The following GSE1 variants were observed in gnomAD, a reference collection of about 807,000 sequenced individuals.
GSE1 encodes Gse1 coiled-coil protein.
In GSE1, 32 loss-of-function variants were observed where a neutral mutation model predicts 112.6. The ratio of observed to expected loss-of-function variants is 0.28; its 90% CI spans 0.21 to 0.38. The LOEUF is 0.38. GSE1 is among the 10% of genes least tolerant of loss of function. The probability of loss-of-function intolerance (pLI) is 1.00; values close to 1 mark genes in which losing one functional copy is unlikely to be tolerated. For missense variants in GSE1, 2,348 were observed against 1,699.2 expected (o/e 1.38, Z -6.71); for synonymous variants, 1,115 against 735.6 (o/e 1.52, Z -8.35).
chr16:85,259,304 TGGCCCACCCTGTGCTCC>T (rs1907420965), intron 1 of GSE1, among the ~76,000 whole-genome samples: 1 of 151,512 alleles, frequency 6.6e-6, no homozygotes. Flanking sequence ...TGCTCCACCC[TGGCCCACCCTGTGCTCC>T]ACCCTGGCCC....
rs538051309 is a variant in GSE1, at chr16:85,668,311, C to G, written c.3302C>G (p.Ser1101Trp). 6.2e-7 allele frequency: 1 copy of G among 1,612,330 alleles called. No homozygotes were observed. Among genetic ancestry groups the G allele is most frequent in the Non-Finnish European group, 8.5e-7 (1 of 1,178,884 alleles). ...GPPTQELDRD[S>W]EEEEEEDDED... Reference sequence around the variant, plus strand: ...CCAACCCAGGAGTTGGACCGGGACTCGGAGGAGGAGGAAGAGGAGGATGAT... The same window carrying G: ...CCAACCCAGGAGTTGGACCGGGACTGGGAGGAGGAGGAAGAGGAGGATGAT... The change falls in exon 14 of 16, where the codon TCG becomes TGG. Residue 1101 changes from serine to tryptophan, a missense_variant. Physicochemically the swap from Ser to Trp is radical, Grantham distance 177 (BLOSUM62 -3). Transcript: ENST00000253458.
At chr16:85,241,044 T>C (rs1425119309) in intron 1 of GSE1, among the ~76,000 whole-genome samples, 1 of 152,172 alleles carries the variant, frequency 6.6e-6, no homozygotes, top group Non-Finnish European at 1.5e-5. Flanking sequence ...CTTCCATGGA[T>C]GCCTGTCATG....
At chr16:85,413,588 A>G (rs963159629) in intron 2 of GSE1, among the ~76,000 whole-genome samples, 3 of 152,132 alleles carry the variant, frequency 2.0e-5, no homozygotes, top group African/African-American at 7.2e-5. Flanking sequence ...CGCTTCGCAA[A>G]TGGACATAGT....
intron 1 of GSE1, among the ~76,000 whole-genome samples, chr16:85,204,256 A>G (rs1426830183): frequency 6.6e-6 from 1 of 152,236 alleles, no homozygotes; most frequent in Non-Finnish European, 1.5e-5. Context: ...CTCACTTTGC[A>G]AAATGTCTTC....
chr16:85,554,573 CGGGGTGA>C (rs1238583001), upstream of GSE1, among the ~76,000 whole-genome samples: 1 of 151,760 alleles, frequency 6.6e-6, no homozygotes, highest in Non-Finnish European at 1.5e-5. Context: ...GGGTGGGGTG[CGGGGTGA>C]GGGGTGAGAG....
chr16:85,463,885 G>A (rs754701054), intron 2 of GSE1, among the ~76,000 whole-genome samples: 2 of 152,198 alleles, frequency 1.3e-5, no homozygotes, highest in Non-Finnish European at 2.9e-5. Flanking sequence ...CAGGCTGAGG[G>A]GCGGCCAGAG....
rs762873266 is a variant in GSE1 at position 85,442,610 on chromosome 16, G to A, written c.2464+84967G>A. Among the ~76,000 whole-genome samples, 148 of 152,312 alleles carry A rather than the reference G, an allele frequency of 9.7e-4. 2 individuals carry two copies. Among genetic ancestry groups the A allele is most frequent in the South Asian group, 2.1e-3 (10 of 4,826 alleles). On this transcript the variant is annotated intron_variant, in intron 2 of 2. Coordinates refer to the GSE1 transcript ENST00000637419. ...TGGGAATTTTTGGCAGGAGACAGGT[G>A]TGACGTGACTGCTGTTAGATTTTGT...
chr16:85,422,872 G>A (rs771957339), intron 2 of GSE1, among the ~76,000 whole-genome samples: 10 of 152,118 alleles, frequency 6.6e-5, no homozygotes, highest in Non-Finnish European at 1.5e-4. Context: ...CAGGCCTGAC[G>A]CTCGGGGCTC....
chr16:85,409,310 C>A (rs1484036474), intron 2 of GSE1, among the ~76,000 whole-genome samples: 6 of 52,256 alleles, frequency 1.1e-4, no homozygotes, highest in African/African-American at 5.7e-4. Context: ...ACTCAGGGCC[C>A]CCCGGATAAT....
exon 1 of GSE1, chr16:85,556,124 T>C: frequency 1.0e-6 from 1 of 977,888 alleles, no homozygotes; most frequent in Non-Finnish European, 1.2e-6. Flanking sequence ...AGAGAGAGCC[T>C]TTTGATCATC....
intron 1 of GSE1, among the ~76,000 whole-genome samples, chr16:85,345,510 G>C (rs1219957698): frequency 6.6e-6 from 1 of 152,156 alleles, no homozygotes; most frequent in Non-Finnish European, 1.5e-5. Flanking sequence ...AGCTATCTCT[G>C]TGGCTAGTGT....
chr16:85,283,920 G>A (rs776494271), intron 1 of GSE1, among the ~76,000 whole-genome samples: 2 of 152,120 alleles, frequency 1.3e-5, no homozygotes, highest in African/African-American at 4.8e-5. Context: ...GCTTTTATCC[G>A]CTCCACCACG....
chr16:85,328,679 C>A (rs1269290285), intron 1 of GSE1, among the ~76,000 whole-genome samples: 1 of 152,232 alleles, frequency 6.6e-6, no homozygotes. Flanking sequence ...TGCAGTGGGG[C>A]AGGGAATTGG....
intron 1 of GSE1, among the ~76,000 whole-genome samples, chr16:85,183,938 G>A (rs768031673): frequency 4.6e-5 from 7 of 152,184 alleles, no homozygotes; most frequent in African/African-American, 1.4e-4. Flanking sequence ...AGCTGTTGAC[G>A]TGTTCTGCAC....
intron 2 of GSE1, among the ~76,000 whole-genome samples, chr16:85,500,418 C>A (rs7500672): frequency 0.46 from 69,947 of 152,038 alleles, 16,745 homozygotes; most frequent in Non-Finnish European, 0.52. Context: ...ATAAATCACT[C>A]GGCACTTCAA....
intron 1 of GSE1, among the ~76,000 whole-genome samples, chr16:85,591,140 TG>T (rs1159649342): frequency 2.0e-5 from 3 of 152,172 alleles, no homozygotes; most frequent in Non-Finnish European, 2.9e-5. Flanking sequence ...GTGGCAAAAT[TG>T]GGGTCCTTCC....
At chr16:85,255,460 G>A (rs193123723) in intron 1 of GSE1, among the ~76,000 whole-genome samples, 34 of 150,078 alleles carry the variant, frequency 2.3e-4, no homozygotes, top group East Asian at 1.4e-3. Flanking sequence ...TGCCCAGGCC[G>A]GAGCGCAGTG....
chr16:85,187,377 C>T (rs2074726749), intron 1 of GSE1, among the ~76,000 whole-genome samples: 1 of 152,220 alleles, frequency 6.6e-6, no homozygotes, highest in African/African-American at 2.4e-5. Flanking sequence ...TGCGCCAAGG[C>T]CCTGGGGAGC....
At chr16:85,503,259 C>T (rs986329140) in intron 2 of GSE1, among the ~76,000 whole-genome samples, 2 of 152,214 alleles carry the variant, frequency 1.3e-5, no homozygotes, top group African/African-American at 4.8e-5. Context: ...GGTCACCACA[C>T]GGGTGTCTCA....
Sources: allele counts gnomAD v4.1 joint callset (sites outside exome capture counted in the v4.1 genomes callset), GRCh38; gene constraint gnomAD v4.1.1; transcripts MANE v1.5; gene names NCBI Gene and HGNC (gene_info 2026-07-23, HGNC 2026-07-21).